Variants in B4GALT1 observed in about 807,000 individuals in gnomAD.
B4GALT1 encodes beta-1,4-galactosyltransferase 1.
In B4GALT1, 16 loss-of-function variants were observed where a neutral mutation model predicts 34.9. The ratio of observed to expected loss-of-function variants is 0.46; its 90% CI spans 0.31 to 0.70. The LOEUF (loss-of-function observed/expected upper bound fraction) is 0.70. B4GALT1 is among the 30% of genes least tolerant of loss of function. The probability of loss-of-function intolerance (pLI) is 0.05; values close to 1 mark genes in which losing one functional copy is unlikely to be tolerated. For synonymous variants in B4GALT1, 221 were observed against 218.1 expected (o/e 1.01, Z -0.12); for missense variants, 445 against 530.5 (o/e 0.84, Z 1.58).
chr9:33,143,026 T>A (rs1840375663), intron 1 of B4GALT1, among the ~76,000 whole-genome samples: 1 of 152,130 alleles, frequency 6.6e-6, no homozygotes, highest in South Asian at 2.1e-4. Context: ...TTGCCTGTGA[T>A]CCCAGCTACC....
chr9:33,126,278 C>G (rs556767510), intron 2 of B4GALT1, among the ~76,000 whole-genome samples: 7 of 152,276 alleles, frequency 4.6e-5, no homozygotes, highest in African/African-American at 1.7e-4. Context: ...CGGGGCATTC[C>G]TATAGGCCTA....
At chr9:33,165,025 T>G (rs1384519560) in intron 1 of B4GALT1, among the ~76,000 whole-genome samples, 1 of 147,498 alleles carries the variant, frequency 6.8e-6, no homozygotes. Flanking sequence ...CAGGCTGGAG[T>G]GTACTGGCAC....
chr9:33,157,985 T>C (rs1407842228), intron 1 of B4GALT1, among the ~76,000 whole-genome samples: 1 of 152,186 alleles, frequency 6.6e-6, no homozygotes, highest in Non-Finnish European at 1.5e-5. Flanking sequence ...CCTTGTGCCA[T>C]TTCTACGGGT....
chr9:33,118,760 A>G (rs534980632), intron 3 of B4GALT1, among the ~76,000 whole-genome samples: 1 of 152,278 alleles, frequency 6.6e-6, no homozygotes, highest in East Asian at 1.9e-4. Context: ...GTCAGCCTAA[A>G]CCAGGGGTAC....
At chr9:33,135,909 G>GTGTGTA (rs1344275860) in intron 1 of B4GALT1, among the ~76,000 whole-genome samples, 1 of 127,242 alleles carries the variant, frequency 7.9e-6, no homozygotes, top group Admixed American at 8.2e-5. Flanking sequence ...GTGTGTGTGT[G>GTGTGTA]TATGTGTGTG....
intron 1 of B4GALT1, 50 bp downstream of exon 1, chr9:33,166,708 A>G: frequency 6.8e-7 from 1 of 1,470,250 alleles, no homozygotes. Flanking sequence ...CCTGTCGGGG[A>G]AATCCGGGGG....
At chr9:33,162,383 A>G (rs1840687429) in intron 1 of B4GALT1, among the ~76,000 whole-genome samples, 1 of 152,186 alleles carries the variant, frequency 6.6e-6, no homozygotes, top group East Asian at 1.9e-4. Context: ...TGCCTAAATT[A>G]AGAGTTCCTG....
At chr9:33,178,427 A>C in the B4GALT1 span, among the ~76,000 whole-genome samples, 1 of 152,230 alleles carries the variant, frequency 6.6e-6, no homozygotes. Context: ...TAAGAGATGT[A>C]GGAAAGAATT....
At chr9:33,174,558 A>T in the B4GALT1 span, among the ~76,000 whole-genome samples, 1 of 151,932 alleles carries the variant, frequency 6.6e-6, no homozygotes, top group Non-Finnish European at 1.5e-5. Context: ...CTGAGGCAGG[A>T]GAATCGCTTA....
intron 1 of B4GALT1, among the ~76,000 whole-genome samples, chr9:33,157,107 C>CACA (rs1564053126): frequency 8.6e-6 from 1 of 116,306 alleles, no homozygotes; most frequent in African/African-American, 3.6e-5. Flanking sequence ...CACACGGTGT[C>CACA]CAGCATAGGG....
chr9:33,177,322 A>T, the B4GALT1 span: 3 of 152,154 alleles, frequency 2.0e-5, no homozygotes, highest in Admixed American at 2.0e-4. Flanking sequence ...AGGACTCCGC[A>T]AGCTTCCTTA....
At chr9:33,125,248 T>C (rs1158120258) in intron 2 of B4GALT1, among the ~76,000 whole-genome samples, 2 of 151,896 alleles carry the variant, frequency 1.3e-5, no homozygotes, top group Non-Finnish European at 2.9e-5. Context: ...AAAGCATGCA[T>C]GGTGAGAGCA....
intron 1 of B4GALT1, among the ~76,000 whole-genome samples, chr9:33,150,551 T>C (rs1840501695): frequency 6.6e-6 from 1 of 152,108 alleles, no homozygotes; most frequent in Non-Finnish European, 1.5e-5. Context: ...ACAATAGTAA[T>C]GAAGAATAGA....
At position 33,112,463 on chromosome 9, in the gene B4GALT1, T is replaced by C. The variant is rs1466506515; in HGVS notation, c.*991A>G. ...CCTGCCAAGGGGCCAGAGGGTGATT[T>C]TGCTCTTGAGAAAACCTGGCCTGCC... On this transcript the variant is annotated 3_prime_UTR_variant, in exon 6 of 6. Transcript: ENST00000379731. 1 of 152,650 alleles carries C rather than the reference T, an allele frequency of 6.6e-6. No individual in the cohort carries two copies. The highest frequency in any genetic ancestry group is 1.5e-5 in the Non-Finnish European group (1 of 68,046). The allele number at this position is 152,650 out of a possible 1,614,324, so 9.5% of individuals were successfully genotyped here.
intron 1 of B4GALT1, among the ~76,000 whole-genome samples, chr9:33,141,534 G>T (rs1048396369): frequency 6.6e-6 from 1 of 152,002 alleles, no homozygotes; most frequent in Non-Finnish European, 1.5e-5. Context: ...ACAACAAAAG[G>T]TCTTTACCCC....
At chr9:33,119,554 T>C (rs1184291009) in intron 3 of B4GALT1, among the ~76,000 whole-genome samples, 4 of 152,138 alleles carry the variant, frequency 2.6e-5, no homozygotes, top group African/African-American at 9.7e-5. Context: ...TCATCTCCAC[T>C]AAAAATAAAA....
rs189687646 is a variant in B4GALT1, at chr9:33,135,340, C to T, written c.497G>A (p.Arg166His). 14 of 1,614,170 alleles carry T rather than the reference C, an allele frequency of 8.7e-6. No individual in the cohort carries two copies. The highest frequency in any genetic ancestry group is 2.2e-5 in the East Asian group (1 of 44,882). Residue 166 changes from arginine to histidine, a missense_variant, in exon 2 of 6, where the codon CGC (arginine) becomes CAC (histidine). Around this residue, in one of 3 missense-constraint regions of B4GALT1, gnomAD observed 349 missense variants for 395.5 expected, o/e 0.88. Transcript: ENST00000379731. ...AGAGACGCAGTCCCTGGGGGCATAG[C>T]GGCCGCCCATCTTCACATTTGGGTT... ...KQNPNVKMGG[R>H]YAPRDCVSPH...
chr9:33,126,952 T>G (rs1840119044), intron 2 of B4GALT1, among the ~76,000 whole-genome samples: 1 of 149,830 alleles, frequency 6.7e-6, no homozygotes, highest in Non-Finnish European at 1.5e-5. Context: ...TGTTTGTTTG[T>G]TTTTTTGTTT....
chr9:33,118,583 T>C (rs1423807288), intron 3 of B4GALT1, among the ~76,000 whole-genome samples: 1 of 151,338 alleles, frequency 6.6e-6, no homozygotes, highest in East Asian at 1.9e-4. Context: ...GGTGAGAGGA[T>C]CACTTGAGCC....
Sources: gnomAD v4.1 joint callset for allele counts (sites outside exome capture counted in the v4.1 genomes callset) on GRCh38, gnomAD v4.1.1 for gene constraint, gnomAD v4.1.1 regional missense constraint, MANE v1.5 for transcripts, NCBI Gene and HGNC (gene_info 2026-07-23, HGNC 2026-07-21) for gene names.